Variants in PTPRN2 observed in about 807,000 individuals in gnomAD.
The protein encoded by PTPRN2 is receptor-type tyrosine-protein phosphatase N2.
A neutral mutation model predicts 118.8 loss-of-function variants in PTPRN2; 74 were observed. The ratio of observed to expected loss-of-function variants is 0.62; its 90% CI spans 0.52 to 0.76. PTPRN2 has a LOEUF of 0.76. Among genes scored for constraint, PTPRN2 ranks in the 30% least tolerant of loss-of-function variants. The pLI, the probability that PTPRN2 is intolerant of heterozygous loss-of-function variation, is 0.00. For missense variants in PTPRN2, 1,481 were observed against 1,394.4 expected (o/e 1.06, Z -0.99); for synonymous variants, 641 against 608.0 (o/e 1.05, Z -0.80).
intron 7 of PTPRN2, among the ~76,000 whole-genome samples, chr7:158,137,156 C>A (rs568179464): frequency 6.6e-6 from 1 of 152,144 alleles, no homozygotes; most frequent in Non-Finnish European, 1.5e-5. Flanking sequence ...CGGTGGCTCA[C>A]GCCTGTAATC....
intron 4 of PTPRN2, among the ~76,000 whole-genome samples, chr7:158,196,553 G>T (rs181219147): frequency 1.2e-3 from 168 of 143,574 alleles, no homozygotes; most frequent in African/African-American, 4.0e-3. Flanking sequence ...ACCTCTCCTC[G>T]GCCAAACCCG....
intron 1 of PTPRN2, among the ~76,000 whole-genome samples, chr7:158,522,031 C>T (rs868381052): frequency 1.6e-4 from 11 of 69,474 alleles, no homozygotes; most frequent in South Asian, 6.5e-4. Context: ...GTGGACTGTC[C>T]GGGTAGTGGC....
At chr7:158,064,005 G>A (rs1192358087) in intron 11 of PTPRN2, among the ~76,000 whole-genome samples, 3 of 152,254 alleles carry the variant, frequency 2.0e-5, no homozygotes, top group African/African-American at 4.8e-5. Context: ...AGTGAGACAC[G>A]GGCTCATACA....
At chr7:157,991,915 T>A (rs1804285670) in intron 11 of PTPRN2, among the ~76,000 whole-genome samples, 1 of 151,774 alleles carries the variant, frequency 6.6e-6, no homozygotes, top group South Asian at 2.1e-4. Flanking sequence ...CCAGCATCGG[T>A]CACAGCCCGT....
rs534722211 is a variant in PTPRN2 at position 157,841,650 on chromosome 7, C to A, written c.1788+57023G>T. ...GGGGCCTTTGTGCTTCCTGGCCTGGCGGACTCTGAGGCTCATGCATTATTC... is the reference window on the plus strand; with the variant it reads ...GGGGCCTTTGTGCTTCCTGGCCTGGAGGACTCTGAGGCTCATGCATTATTC... On this transcript the variant is annotated intron_variant, in intron 12 of 22. Transcript: ENST00000389418. 2.4e-4 allele frequency among the ~76,000 whole-genome samples: 37 copies of A among 152,306 alleles called. 1 individual carries two copies. In the South Asian group the frequency reaches 6.8e-3, roughly 28 times the overall value.
chr7:158,221,930 C>A lies in PTPRN2; in HGVS notation c.278-16657G>T, dbSNP rs114994847. Reference sequence around the variant, plus strand: ...AATGGGTAGGAGACATGAACAGACACTTCTTAAAAGAAGACATAGAAGCGG... The same window carrying A: ...AATGGGTAGGAGACATGAACAGACAATTCTTAAAAGAAGACATAGAAGCGG... On this transcript the variant is annotated intron_variant, in intron 3 of 22. Coordinates refer to ENST00000389418, the MANE Select transcript of PTPRN2 (RefSeq NM_002847.5). 2.8e-3 allele frequency among the ~76,000 whole-genome samples: 429 copies of A among 152,208 alleles called. 5 individuals carry two copies. The highest frequency in any genetic ancestry group is 9.9e-3 in the African/African-American group (412 of 41,528).
chr7:158,546,699 T>C lies in PTPRN2; in HGVS notation c.112+40859A>G, dbSNP rs73729691. Among the ~76,000 whole-genome samples the C allele has an allele frequency of 0.045, 6,916 of 152,266 alleles. 519 individuals carry two copies. Among genetic ancestry groups the C allele is most frequent in the African/African-American group, 0.15 (6,267 of 41,526 alleles). Reference sequence around the variant, plus strand: ...TGAGGGTCTTAGGCAGAGCTGGCCATGCTTGCCTTGGTGAAGACCCCAGCC... The same window carrying C: ...TGAGGGTCTTAGGCAGAGCTGGCCACGCTTGCCTTGGTGAAGACCCCAGCC... On this transcript the variant is annotated intron_variant, in intron 1 of 22. Transcript: ENST00000389418. The surrounding 1 kb of genome is among the most constrained non-coding windows in gnomAD (Gnocchi z 5.0).
At chr7:157,750,137 C>T (rs1248279440) in intron 12 of PTPRN2, among the ~76,000 whole-genome samples, 3 of 152,076 alleles carry the variant, frequency 2.0e-5, no homozygotes, top group East Asian at 1.9e-4. Flanking sequence ...GCACGTGGTC[C>T]TGATCCTTCT....
At chr7:157,901,322 G>A (rs1797424827) in intron 11 of PTPRN2, among the ~76,000 whole-genome samples, 1 of 152,022 alleles carries the variant, frequency 6.6e-6, no homozygotes, top group South Asian at 2.1e-4. Context: ...GAGGCATGGC[G>A]GGGCCGAACC....
At chr7:158,243,745 A>G (rs1324397881) in intron 3 of PTPRN2, among the ~76,000 whole-genome samples, 4 of 151,764 alleles carry the variant, frequency 2.6e-5, no homozygotes, top group East Asian at 2.0e-4. Context: ...AGTACTAGGT[A>G]CCTCCTGAGT....
At position 157,659,557 on chromosome 7, in the gene PTPRN2, G is replaced by C. The variant is rs1024615479; in HGVS notation, c.2002-3006C>G. 2.0e-5 allele frequency among the ~76,000 whole-genome samples: 3 copies of C among 151,646 alleles called. No homozygotes were observed. The South Asian group carries it at 6.3e-4, about 32-fold the overall frequency. The stretch of plus-strand genomic sequence containing the variant: ...CCAAGGGCCTCTGGTGAGGGTAAGG[G>C]GTCTCTAAGAAAAGGGAGAGTTCCA... On this transcript the variant is annotated intron_variant, in intron 13 of 22. Transcript: ENST00000389418.
At chr7:158,169,566 C>A (rs1418107498) in intron 5 of PTPRN2, among the ~76,000 whole-genome samples, 2 of 151,640 alleles carry the variant, frequency 1.3e-5, no homozygotes, top group South Asian at 2.1e-4. Flanking sequence ...CAGGCGTGAG[C>A]CACCGCGCCT....
chr7:158,111,905 T>C (rs1005288393), intron 9 of PTPRN2, among the ~76,000 whole-genome samples: 3 of 152,208 alleles, frequency 2.0e-5, no homozygotes, highest in African/African-American at 7.2e-5. Context: ...CTGAGGTCAA[T>C]AGGGTGAACC....
Position 157,539,138 on chromosome 7 carries a change from T to C in PTPRN2, c.*1576A>G, listed in dbSNP as rs1797897334. 1 of 152,248 alleles carries C rather than the reference T, an allele frequency of 6.6e-6. No homozygotes were observed. Among genetic ancestry groups the C allele is most frequent in the African/African-American group, 2.4e-5 (1 of 41,468 alleles). The allele number at this position is 152,248 out of a possible 1,614,324, so 9.4% of individuals were successfully genotyped here. On this transcript the variant is annotated 3_prime_UTR_variant, in exon 23 of 23. Coordinates refer to ENST00000389418, the MANE Select transcript of PTPRN2 (RefSeq NM_002847.5). ...AGGTTTCTCTTCAAACATAAGGAGT[T>C]AGAAATTACAAGTAGGCATATGCTT...
intron 5 of PTPRN2, among the ~76,000 whole-genome samples, chr7:158,190,809 G>A (rs1825700997): frequency 6.6e-6 from 1 of 152,250 alleles, no homozygotes; most frequent in African/African-American, 2.4e-5. Context: ...GGCTCTGTTT[G>A]GCGGCCGTGG....
intron 11 of PTPRN2, among the ~76,000 whole-genome samples, chr7:158,001,096 G>A (rs1225593341): frequency 2.2e-5 from 1 of 45,872 alleles, no homozygotes; most frequent in Non-Finnish European, 4.3e-5. Flanking sequence ...GTGTCTGGCC[G>A]CAGGTGGGGT....
intron 11 of PTPRN2, among the ~76,000 whole-genome samples, chr7:157,995,124 A>G (rs1264010071): frequency 1.5e-5 from 2 of 134,630 alleles, no homozygotes; most frequent in African/African-American, 5.7e-5. Context: ...TCCTAAATCA[A>G]CGCTGCGTCC....
intron 17 of PTPRN2, among the ~76,000 whole-genome samples, chr7:157,580,461 A>ACCTGCACACCCCAGCC (rs1800289816): frequency 7.2e-6 from 1 of 139,266 alleles, no homozygotes; most frequent in African/African-American, 2.7e-5. Context: ...ACACCCCAGC[A>ACCTGCACACCCCAGCC]CCTGCACACC....
intron 1 of PTPRN2, among the ~76,000 whole-genome samples, chr7:158,530,119 A>C (rs1825112145): frequency 6.6e-6 from 1 of 152,156 alleles, no homozygotes; most frequent in African/African-American, 2.4e-5. Flanking sequence ...CCCCAAAAAT[A>C]AGTAGAATTA....
Sources: allele counts gnomAD v4.1 joint callset (sites outside exome capture counted in the v4.1 genomes callset), GRCh38; gene constraint gnomAD v4.1.1; non-coding constraint Gnocchi (gnomAD v3.1); transcripts MANE v1.5; gene names NCBI Gene and HGNC (gene_info 2026-07-23, HGNC 2026-07-21).